The following MS4A4E variants were observed in gnomAD, a reference collection of about 807,000 sequenced individuals.
The protein encoded by MS4A4E is membrane spanning 4-domains A4E.
MS4A4E carries 23 observed loss-of-function variants against 13.3 expected under a neutral mutation model. The observed-to-expected ratio is 1.73, with a 90% CI of 1.25 to 2.45. The LOEUF (loss-of-function observed/expected upper bound fraction) is 2.45. Among genes scored for constraint, MS4A4E ranks in the 30% most tolerant of loss-of-function variants. The pLI, the probability that MS4A4E is intolerant of heterozygous loss-of-function variation, is 0.00. For missense variants in MS4A4E, 144 were observed against 131.2 expected (o/e 1.10, Z -0.48); for synonymous variants, 36 against 45.6 (o/e 0.79, Z 0.85).
At chr11:60,238,668 CTA>C (rs750647148) in intron 1 of MS4A4E, among the ~76,000 whole-genome samples, 2 of 152,126 alleles carry the variant, frequency 1.3e-5, no homozygotes, top group Non-Finnish European at 2.9e-5. Flanking sequence ...TATTTTCACT[CTA>C]GTCTTTATTA....
At chr11:60,227,711 A>G (rs2084361840) in intron 3 of MS4A4E, among the ~76,000 whole-genome samples, 1 of 152,204 alleles carries the variant, frequency 6.6e-6, no homozygotes, top group Admixed American at 6.5e-5. Context: ...CTATAAAGTG[A>G]TAGTAATCAG....
intron 1 of MS4A4E, among the ~76,000 whole-genome samples, chr11:60,242,063 G>T (rs2084559247): frequency 6.6e-6 from 1 of 152,084 alleles, no homozygotes; most frequent in Non-Finnish European, 1.5e-5. Context: ...CTTTTTCTTG[G>T]CAGAGTTATC....
chr11:60,224,992 A>AATTTGGGAT, intron 3 of MS4A4E: 1 of 1,536,988 alleles, frequency 6.5e-7, no homozygotes, highest in Non-Finnish European at 8.7e-7. Context: ...TTGTGTACGC[A>AATTTGGGAT]ACATACACAA....
In MS4A4E at chr11:60,200,927, C is replaced by G. The variant is rs1184684338; in HGVS notation, c.*616G>C. Among the ~76,000 whole-genome samples the G allele has an allele frequency of 6.7e-6, 1 of 148,554 alleles. No homozygotes were observed. ...GGCTGGCCGGGCGGGGGGCTGACCCCTCCACCTCCCTCCCGGACGGGGCGG... is the reference window on the plus strand; with the variant it reads ...GGCTGGCCGGGCGGGGGGCTGACCCGTCCACCTCCCTCCCGGACGGGGCGG... On this transcript the variant is annotated 3_prime_UTR_variant, in exon 9 of 9. Coordinates refer to ENST00000651255, the MANE Select transcript of MS4A4E (RefSeq NM_001393391.1).
At chr11:60,203,555 C>T (rs2084008687) in intron 8 of MS4A4E, among the ~76,000 whole-genome samples, 1 of 152,122 alleles carries the variant, frequency 6.6e-6, no homozygotes, top group South Asian at 2.1e-4. Context: ...TCAACACCAT[C>T]CTGAGCAACA....
chr11:60,213,640 A>G (rs571472094), intron 4 of MS4A4E, among the ~76,000 whole-genome samples: 10 of 152,352 alleles, frequency 6.6e-5, no homozygotes, highest in African/African-American at 2.4e-4. Context: ...GGCAGACACT[A>G]GGAAGTTGGG....
In MS4A4E at chr11:60,230,022, G is replaced by T. The variant is rs762551881; in HGVS notation, c.34C>A (p.Pro12Thr). 6.2e-7 allele frequency: 1 copy of T among 1,612,442 alleles called. No homozygotes were observed. Among genetic ancestry groups the T allele is most frequent in the Non-Finnish European group, 8.5e-7 (1 of 1,179,238 alleles). ...TGGGGCACATCAGGGCCAGCCCCTGGAGTGGTCTGTTCCATTCCTTGCATG... is the reference window on the plus strand; with the variant it reads ...TGGGGCACATCAGGGCCAGCCCCTGTAGTGGTCTGTTCCATTCCTTGCATG... ...TTMQGMEQTT[P>T]GAGPDVPQLG... Residue 12 changes from proline to threonine, a missense_variant, in exon 2 of 9, where the codon CCA (proline) becomes ACA (threonine). Pro to Thr is a conservative substitution (Grantham distance 38). Coordinates refer to ENST00000651255, the MANE Select transcript of MS4A4E (RefSeq NM_001393391.1).
chr11:60,203,983 T>G (rs1200602880), intron 8 of MS4A4E, among the ~76,000 whole-genome samples: 2 of 152,244 alleles, frequency 1.3e-5, no homozygotes, highest in Non-Finnish European at 2.9e-5. Flanking sequence ...AATATTTGCA[T>G]TAGCTTTTTA....
At chr11:60,202,965 T>A (rs1353219696) in intron 8 of MS4A4E, among the ~76,000 whole-genome samples, 1 of 152,170 alleles carries the variant, frequency 6.6e-6, no homozygotes, top group East Asian at 1.9e-4. Flanking sequence ...TATTATAAAT[T>A]CCCACTTCTA....
At chr11:60,215,230 T>G (rs1260875160) in intron 3 of MS4A4E, among the ~76,000 whole-genome samples, 1 of 151,876 alleles carries the variant, frequency 6.6e-6, no homozygotes, top group Non-Finnish European at 1.5e-5. Flanking sequence ...GAAACTGGAC[T>G]AATAAAATAG....
intron 1 of MS4A4E, among the ~76,000 whole-genome samples, chr11:60,234,178 G>A (rs749886360): frequency 2.6e-5 from 4 of 152,078 alleles, no homozygotes; most frequent in Admixed American, 6.5e-5. Flanking sequence ...GGAAACATTT[G>A]CCTCCAGATA....
rs375990087 is a variant in MS4A4E at position 60,229,512 on chromosome 11, TC to T, written c.144+399del. On this transcript the variant is annotated intron_variant, in intron 2 of 8. Transcript: ENST00000651255. ...TGCTCAGAGAATAGCAGATTTTTCA[TC>T]CTCTGAGCAGTAGGCTAAGAAAAGC... 3.9e-4 allele frequency among the ~76,000 whole-genome samples: 59 copies of T among 152,226 alleles called. 2 individuals are homozygous for T. In the East Asian group the frequency reaches 7.3e-3, roughly 19 times the overall value.
intron 3 of MS4A4E, among the ~76,000 whole-genome samples, chr11:60,222,227 G>C (rs972235917): frequency 6.6e-6 from 1 of 152,156 alleles, no homozygotes; most frequent in African/African-American, 2.4e-5. Context: ...TGCCTATCCT[G>C]CACACAATGC....
intron 3 of MS4A4E, among the ~76,000 whole-genome samples, chr11:60,215,450 G>A (rs983466158): frequency 4.0e-5 from 6 of 151,172 alleles, no homozygotes; most frequent in Admixed American, 6.6e-5. Flanking sequence ...TAAGAAAAAC[G>A]TTACCTGTTA....
In MS4A4E at chr11:60,200,822, G is replaced by C. The variant is rs1365774814; in HGVS notation, c.*721C>G. On this transcript the variant is annotated 3_prime_UTR_variant, in exon 9 of 9. Coordinates refer to ENST00000651255, the MANE Select transcript of MS4A4E (RefSeq NM_001393391.1). Reference sequence around the variant, plus strand: ...GCTATTGGGTACACTTCCCAGATGGGGTGGTGGCCGGGCAGAGGGGCTCCT... The same window carrying C: ...GCTATTGGGTACACTTCCCAGATGGCGTGGTGGCCGGGCAGAGGGGCTCCT... Among the ~76,000 whole-genome samples, 1 of 152,206 alleles carries C rather than the reference G, an allele frequency of 6.6e-6. No individual in the cohort carries two copies. The highest frequency in any genetic ancestry group is 1.5e-5 in the Non-Finnish European group (1 of 68,042).
At chr11:60,207,547 T>C (rs149770105) in intron 6 of MS4A4E, among the ~76,000 whole-genome samples, 2 of 152,070 alleles carry the variant, frequency 1.3e-5, no homozygotes, top group African/African-American at 4.8e-5. Flanking sequence ...TGCCTGGGAA[T>C]CCCTAAAGAA....
At chr11:60,225,136 T>C in intron 3 of MS4A4E, 1 of 1,451,058 alleles carries the variant, frequency 6.9e-7, no homozygotes, top group Middle Eastern at 1.8e-4. Flanking sequence ...ACCACAAAAA[T>C]GGTGCTTATG....
intron 3 of MS4A4E, among the ~76,000 whole-genome samples, chr11:60,216,007 AAATAGGAATAGAACTG>A (rs2084187199): frequency 6.6e-6 from 1 of 152,194 alleles, no homozygotes; most frequent in South Asian, 2.1e-4. Context: ...TGTGAAACAT[AAATAGGAATAGAACTG>A]AAGAGGCCAA....
intron 3 of MS4A4E, among the ~76,000 whole-genome samples, chr11:60,226,239 T>C (rs1225700685): frequency 6.6e-6 from 1 of 151,904 alleles, no homozygotes; most frequent in African/African-American, 2.4e-5. Flanking sequence ...ATACCAATTC[T>C]TTACAGAAAA....
Sources: allele counts gnomAD v4.1 joint callset (sites outside exome capture counted in the v4.1 genomes callset), GRCh38; gene constraint gnomAD v4.1.1; transcripts MANE v1.5; gene names NCBI Gene and HGNC (gene_info 2026-07-23, HGNC 2026-07-21).